PRPSAP2: variants seen among roughly 807,000 people sequenced by gnomAD.
PRPSAP2 encodes the protein phosphoribosyl pyrophosphate synthetase associated protein 2, also known as phosphoribosyl pyrophosphate synthase-associated protein 2.
PRPSAP2 carries 24 observed loss-of-function variants against 40.6 expected under a neutral mutation model. The ratio of observed to expected loss-of-function variants is 0.59; its 90% CI spans 0.43 to 0.83. The LOEUF (loss-of-function observed/expected upper bound fraction) is 0.83. Ranked by LOEUF, PRPSAP2 falls within the 40% of genes least tolerant of loss-of-function variation. PRPSAP2 has a pLI of 0.00. For synonymous variants in PRPSAP2, 149 were observed against 164.7 expected (o/e 0.90, Z 0.73); for missense variants, 292 against 465.6 (o/e 0.63, Z 3.43).
intron 8 of PRPSAP2, among the ~76,000 whole-genome samples, chr17:18,902,946 C>T (rs903617179): frequency 7.3e-5 from 11 of 150,620 alleles, no homozygotes; most frequent in African/African-American, 2.7e-4. Flanking sequence ...TATTTGAGTG[C>T]TGCTGTGCCA....
chr17:18,916,543 G>A (rs532810690), intron 9 of PRPSAP2, among the ~76,000 whole-genome samples: 1 of 152,028 alleles, frequency 6.6e-6, no homozygotes, highest in African/African-American at 2.4e-5. Context: ...CACCACGACT[G>A]GCTAATTTTT....
intron 7 of PRPSAP2, among the ~76,000 whole-genome samples, chr17:18,885,301 T>A (rs971814254): frequency 4.1e-5 from 6 of 147,720 alleles, no homozygotes; most frequent in African/African-American, 1.3e-4. Context: ...CTCAAGAGGA[T>A]GAGAAGTGGG....
chr17:18,923,868 A>T (rs747435103), intron 9 of PRPSAP2, 46 bp from the exon 10 acceptor site: 1 of 1,503,950 alleles, frequency 6.6e-7, no homozygotes, highest in Non-Finnish European at 9.1e-7. Flanking sequence ...GTTTTGTTTT[A>T]CTTTTTAATA....
intron 8 of PRPSAP2, among the ~76,000 whole-genome samples, chr17:18,895,183 C>T (rs1168638532): frequency 1.3e-5 from 2 of 150,686 alleles, no homozygotes; most frequent in Non-Finnish European, 2.9e-5. Context: ...TTTTTGGGCT[C>T]ATGGCAATCC....
chr17:18,870,715 A>T (rs1167703967), intron 4 of PRPSAP2, among the ~76,000 whole-genome samples: 1 of 151,758 alleles, frequency 6.6e-6, no homozygotes, highest in Non-Finnish European at 1.5e-5. Context: ...AGGCTGAGGC[A>T]GGAAGATCAC....
intron 7 of PRPSAP2, among the ~76,000 whole-genome samples, chr17:18,885,058 A>G (rs577240650): frequency 3.9e-5 from 6 of 152,220 alleles, no homozygotes; most frequent in African/African-American, 1.4e-4. Context: ...CTACCTGAGG[A>G]TGACACTGCC....
chr17:18,917,789 G>A (rs1224365837), intron 9 of PRPSAP2, among the ~76,000 whole-genome samples: 2 of 151,054 alleles, frequency 1.3e-5, no homozygotes, highest in African/African-American at 4.9e-5. Context: ...GCGCTGAGGA[G>A]AAAAGATGGG....
At chr17:18,885,723 G>A (rs961831549) in intron 7 of PRPSAP2, among the ~76,000 whole-genome samples, 13 of 151,968 alleles carry the variant, frequency 8.6e-5, no homozygotes, top group Admixed American at 7.2e-4. Context: ...GAGTAGCTGG[G>A]GTTACAGGCA....
chr17:18,883,050 T>A (rs2038877171), intron 7 of PRPSAP2, among the ~76,000 whole-genome samples: 1 of 152,142 alleles, frequency 6.6e-6, no homozygotes. Flanking sequence ...TGATCCCACC[T>A]CCCAGCAAGA....
Position 18,867,447 on chromosome 17 carries a change from A to G in PRPSAP2, c.172+113A>G, listed in dbSNP as rs1054696177. 19 of 1,301,988 alleles carry G rather than the reference A, an allele frequency of 1.5e-5. No individual in the cohort carries two copies. The African/African-American group carries it at 1.6e-4, about 11-fold the overall frequency. The allele number at this position is 1,301,988 out of a possible 1,614,324, so 80.7% of individuals were successfully genotyped here. On this transcript the variant is annotated intron_variant, in intron 4 of 11. Coordinates refer to ENST00000268835, the MANE Select transcript of PRPSAP2 (RefSeq NM_002767.4). ...TTTGATTCAGTTGTACATTTCCATT[A>G]GCAAGAAGTCAGGCAGGCAAGGTAG...
chr17:18,867,267 C>A lies in PRPSAP2; in HGVS notation c.120-15C>A. 6.2e-7 allele frequency: 1 copy of A among 1,613,624 alleles called. No homozygotes were observed. Among genetic ancestry groups the A allele is most frequent in the Non-Finnish European group, 8.5e-7 (1 of 1,179,750 alleles). ...CTATTACTTTTTCAGCTTTTTCCCC[C>A]TTTCTCTTCTCTAGGCGGCTAGGGG... On this transcript the variant is annotated splice_polypyrimidine_tract_variant and intron_variant, in intron 3 of 11. Coordinates refer to ENST00000268835, the MANE Select transcript of PRPSAP2 (RefSeq NM_002767.4).
chr17:18,857,611 G>A (rs2036674881), upstream of PRPSAP2, among the ~76,000 whole-genome samples: 1 of 149,932 alleles, frequency 6.7e-6, no homozygotes, highest in Non-Finnish European at 1.5e-5. Flanking sequence ...AGTAGAGATG[G>A]GGGTTTCACC....
At chr17:18,899,414 T>C (rs2040120690) in intron 8 of PRPSAP2, among the ~76,000 whole-genome samples, 1 of 151,962 alleles carries the variant, frequency 6.6e-6, no homozygotes, top group Admixed American at 6.6e-5. Context: ...GTTGTCCAAA[T>C]TGGCTAATTT....
At chr17:18,905,621 C>T (rs957616485) in intron 8 of PRPSAP2, among the ~76,000 whole-genome samples, 1 of 151,844 alleles carries the variant, frequency 6.6e-6, no homozygotes, top group South Asian at 2.1e-4. Flanking sequence ...CTCTTGTTGC[C>T]CAGGCTAGAG....
chr17:18,857,819 T>C (rs1308518503), upstream of PRPSAP2: 1 of 152,392 alleles, frequency 6.6e-6, no homozygotes, highest in Middle Eastern at 3.1e-3. Flanking sequence ...AAATGACTTG[T>C]CCAAGGTTAC....
At chr17:18,868,641 G>A (rs575609491) in intron 4 of PRPSAP2, among the ~76,000 whole-genome samples, 1 of 152,020 alleles carries the variant, frequency 6.6e-6, no homozygotes, top group South Asian at 2.1e-4. Flanking sequence ...GATAACTTGT[G>A]TGCCTACCAG....
At chr17:18,884,310 AT>A (rs1433345838) in intron 7 of PRPSAP2, among the ~76,000 whole-genome samples, 3 of 149,854 alleles carry the variant, frequency 2.0e-5, no homozygotes, top group Admixed American at 6.7e-5. Flanking sequence ...AATTAAAAAA[AT>A]AATAGAGACT....
intron 7 of PRPSAP2, among the ~76,000 whole-genome samples, chr17:18,888,905 T>C (rs896170170): frequency 1.3e-5 from 2 of 152,256 alleles, no homozygotes; most frequent in Non-Finnish European, 2.9e-5. Context: ...GTAGAGACAA[T>C]AGACTTGTTT....
At chr17:18,925,647 A>T (rs1353142501) in intron 10 of PRPSAP2, among the ~76,000 whole-genome samples, 5 of 152,178 alleles carry the variant, frequency 3.3e-5, no homozygotes, top group African/African-American at 1.2e-4. Flanking sequence ...TGAGAGTTTC[A>T]AGGTGCCTGG....
Sources: allele counts gnomAD v4.1 joint callset (sites outside exome capture counted in the v4.1 genomes callset), GRCh38; gene constraint gnomAD v4.1.1; transcripts MANE v1.5; gene names NCBI Gene and HGNC (gene_info 2026-07-23, HGNC 2026-07-21).